The following CEP128 variants were observed in gnomAD, a reference collection of about 807,000 sequenced individuals.
The protein encoded by CEP128 is centrosomal protein 128kDa.
In CEP128, 132 loss-of-function variants were observed where a neutral mutation model predicts 156.7. The observed-to-expected ratio is 0.84, with a 90% CI of 0.73 to 0.97. CEP128 has a LOEUF of 0.97. Among genes scored for constraint, CEP128 ranks in the 50% least tolerant of loss-of-function variants. CEP128 has a pLI of 0.00. For synonymous variants in CEP128, 469 were observed against 448.9 expected, an observed-to-expected ratio of 1.04 and a Z score of -0.57; for missense variants, 1,252 against 1,281.9, an observed-to-expected ratio of 0.98 and a Z score of 0.36.
chr14:80,942,934 A>G (rs1402941548), upstream of CEP128, among the ~76,000 whole-genome samples: 3 of 152,172 alleles, frequency 2.0e-5, no homozygotes, highest in Admixed American at 6.5e-5. Context: ...ACATAAAACT[A>G]TCTCATATTG....
intron 19 of CEP128, among the ~76,000 whole-genome samples, chr14:80,686,704 T>C (rs1692435089): frequency 6.6e-6 from 1 of 152,116 alleles, no homozygotes; most frequent in Admixed American, 6.6e-5. Context: ...AAGACACACC[T>C]ATGCCCAAAA....
At chr14:80,732,097 T>C (rs1364334466) in intron 19 of CEP128, among the ~76,000 whole-genome samples, 1 of 152,118 alleles carries the variant, frequency 6.6e-6, no homozygotes, top group Non-Finnish European at 1.5e-5. Context: ...CAAACATCCA[T>C]TACATGTTTA....
rs190953915 is a variant in CEP128, at chr14:80,756,997, A to G, written c.2554-46T>C. The G allele has an allele frequency of 1.6e-4, 185 of 1,189,506 alleles. 2 individuals carry two copies. The East Asian group carries it at 4.0e-3, about 26-fold the overall frequency. 73.7% of individuals were successfully genotyped at this position (1,189,506 alleles called of 1,614,324 possible). A position where few individuals can be genotyped will look rare whatever the true frequency, so the allele number is the denominator to read the frequency against. On this transcript the variant is annotated intron_variant, in intron 17 of 24. Coordinates refer to ENST00000555265, the MANE Select transcript of CEP128 (RefSeq NM_152446.5). ...GATTAGAAATACATTTTTCTCTGAC[A>G]TAAACATATATAAATGAAATTCTTC...
chr14:80,560,474 G>T (rs1890622744), intron 20 of CEP128, among the ~76,000 whole-genome samples: 1 of 152,056 alleles, frequency 6.6e-6, no homozygotes, highest in Admixed American at 6.6e-5. Flanking sequence ...GTGGAATCTG[G>T]ATTTTTAAAA....
intron 19 of CEP128, among the ~76,000 whole-genome samples, chr14:80,696,083 G>A (rs982561921): frequency 1.3e-5 from 2 of 152,114 alleles, no homozygotes; most frequent in South Asian, 2.1e-4. Flanking sequence ...ACTAAAACGC[G>A]GTAGAGGAGG....
intron 18 of CEP128, among the ~76,000 whole-genome samples, chr14:80,754,481 TGA>T (rs1899546130): frequency 2.9e-5 from 4 of 138,130 alleles, no homozygotes; most frequent in South Asian, 2.2e-4. Flanking sequence ...TTTTTTTTTT[TGA>T]GATGGAGTCT....
In CEP128 at chr14:80,809,426, G is replaced by A. The variant is rs140329736; in HGVS notation, c.1210-16316C>T. On this transcript the variant is annotated intron_variant, in intron 13 of 24. Transcript: ENST00000555265. ...ACACCTAAGGTGAGGAGGAAAGAAAGTGATTCAAAAACCTACTTAACAAAA... is the reference window on the plus strand; with the variant it reads ...ACACCTAAGGTGAGGAGGAAAGAAAATGATTCAAAAACCTACTTAACAAAA... Among the ~76,000 whole-genome samples the A allele has an allele frequency of 6.3e-4, 96 of 152,200 alleles. 1 individual carries two copies. Among genetic ancestry groups the A allele is most frequent in the Middle Eastern group, 3.4e-3 (1 of 294 alleles).
At chr14:80,662,164 G>A (rs778016756) in intron 19 of CEP128, among the ~76,000 whole-genome samples, 5 of 152,038 alleles carry the variant, frequency 3.3e-5, no homozygotes, top group Non-Finnish European at 7.4e-5. Context: ...ATGAAAAATG[G>A]GTATGTACAT....
chr14:80,605,781 T>C (rs1389350985), intron 19 of CEP128, among the ~76,000 whole-genome samples: 1 of 152,068 alleles, frequency 6.6e-6, no homozygotes, highest in Non-Finnish European at 1.5e-5. Flanking sequence ...CAGTCAAGCA[T>C]ACTAAATCCA....
intron 14 of CEP128, among the ~76,000 whole-genome samples, chr14:80,789,748 G>A (rs1901604717): frequency 6.6e-6 from 1 of 151,338 alleles, no homozygotes; most frequent in South Asian, 2.1e-4. Flanking sequence ...TTAAAACCAT[G>A]GCAATTACAG....
At chr14:80,782,101 C>A (rs1901152893) in intron 15 of CEP128, among the ~76,000 whole-genome samples, 1 of 152,206 alleles carries the variant, frequency 6.6e-6, no homozygotes, top group African/African-American at 2.4e-5. Context: ...TTTCACATCA[C>A]ACTATTTCTC....
chr14:80,617,762 T>TGAGACCCGCCTGGGCAACATGGC lies in CEP128; in HGVS notation c.2807-37362_2807-37340dup, dbSNP rs542931123. Reference sequence around the variant, plus strand: ...TCGGAGACCAGCCTGGGCAACATGGTGAGACCCGCCTGGGCAACATGGCGA... The same window carrying TGAGACCCGCCTGGGCAACATGGC: ...TCGGAGACCAGCCTGGGCAACATGGTGAGACCCGCCTGGGCAACATGGCGAGACCCGCCTGGGCAACATGGCGA... On this transcript the variant is annotated intron_variant, in intron 19 of 24. Transcript: ENST00000555265. Among the ~76,000 whole-genome samples, 442 of 152,136 alleles carry TGAGACCCGCCTGGGCAACATGGC rather than the reference T, an allele frequency of 2.9e-3. 2 individuals are homozygous for TGAGACCCGCCTGGGCAACATGGC. Among genetic ancestry groups the TGAGACCCGCCTGGGCAACATGGC allele is most frequent in the African/African-American group, 9.1e-3 (376 of 41,492 alleles).
intron 13 of CEP128, among the ~76,000 whole-genome samples, chr14:80,801,908 CCCAAAAAA>C (rs1415763137): frequency 2.7e-4 from 5 of 18,714 alleles, no homozygotes; most frequent in Non-Finnish European, 3.2e-4. Context: ...ACTCTGTCTC[CCCAAAAAA>C]AAAAAAAAAA....
At chr14:80,829,800 G>A (rs1885685379) in intron 13 of CEP128, among the ~76,000 whole-genome samples, 1 of 152,156 alleles carries the variant, frequency 6.6e-6, no homozygotes, top group Non-Finnish European at 1.5e-5. Flanking sequence ...ATAAGAAATT[G>A]TAAAATAACT....
At position 80,777,984 on chromosome 14, in the gene CEP128, T is replaced by G; in HGVS notation, c.2274A>C (p.Lys758Asn). Reference sequence around the variant, plus strand: ...CCTCTGTCAGTCTGTCACACTGTGATTTCAACTTCTCCAGCTGACCACGAT... The same window carrying G: ...CCTCTGTCAGTCTGTCACACTGTGAGTTCAACTTCTCCAGCTGACCACGAT... ...KIHRGQLEKL[K>N]SQCDRLTEEL... The change falls in exon 16 of 25, where the codon AAA becomes AAC. Residue 758 changes from lysine (K) to asparagine (N), a missense_variant. By Grantham distance (94) the Lys-to-Asn change is moderately conservative (BLOSUM62 0). Transcript: ENST00000555265. 6.2e-7 allele frequency: 1 copy of G among 1,613,640 alleles called. No homozygotes were observed. The highest frequency in any genetic ancestry group is 8.5e-7 in the Non-Finnish European group (1 of 1,179,804).
At chr14:80,707,197 C>T (rs1261636918) in intron 19 of CEP128, among the ~76,000 whole-genome samples, 1 of 152,080 alleles carries the variant, frequency 6.6e-6, no homozygotes, top group South Asian at 2.1e-4. Context: ...ACTGTGGGTT[C>T]TATTTAAATG....
At chr14:80,883,172 A>G (rs1376151785) in intron 8 of CEP128, among the ~76,000 whole-genome samples, 1 of 152,180 alleles carries the variant, frequency 6.6e-6, no homozygotes, top group Non-Finnish European at 1.5e-5. Context: ...AAGTATATAC[A>G]TGCCTACTAC....
chr14:80,678,063 T>TATACGTATATATATATATATATAC (rs1566851140), intron 19 of CEP128, among the ~76,000 whole-genome samples: 1 of 61,864 alleles, frequency 1.6e-5, no homozygotes, highest in Non-Finnish European at 6.0e-5. Flanking sequence ...TATATATATA[T>TATACGTATATATATATATATATAC]GTATATATAT....
At chr14:80,929,713 GA>G (rs1445539027) in intron 2 of CEP128, among the ~76,000 whole-genome samples, 1 of 152,110 alleles carries the variant, frequency 6.6e-6, no homozygotes, top group African/African-American at 2.4e-5. Flanking sequence ...TGGAGACTTG[GA>G]AGGGGGCAGT....
Sources: allele counts gnomAD v4.1 joint callset (sites outside exome capture counted in the v4.1 genomes callset), GRCh38; gene constraint gnomAD v4.1.1; transcripts MANE v1.5; gene names NCBI Gene and HGNC (gene_info 2026-07-23, HGNC 2026-07-21).